The following EML6 variants were observed in gnomAD, a reference collection of about 807,000 sequenced individuals.
EML6 encodes the protein echinoderm microtubule-associated protein-like 6.
EML6 carries 154 observed loss-of-function variants against 240.1 expected under a neutral mutation model. The observed-to-expected ratio is 0.64, with a 90% CI of 0.56 to 0.73. The LOEUF is 0.73. EML6 is among the 30% of genes least tolerant of loss of function. EML6 has a pLI of 0.00. For missense variants in EML6, 2,964 were observed against 2,474.6 expected (o/e 1.20, Z -4.20); for synonymous variants, 1,148 against 899.0 (o/e 1.28, Z -4.95).
Position 54,727,793 on chromosome 2 carries a change from T to G in EML6, c.197+2535T>G, listed in dbSNP as rs531006848. ...AAAGATATATTCATATGCATACATC[T>G]ATACTGCTTTATTTTTTGTGCTGTT... On this transcript the variant is annotated intron_variant, in intron 2 of 41. Transcript: ENST00000356458. Among the ~76,000 whole-genome samples the G allele has an allele frequency of 2.0e-5, 3 of 152,334 alleles. No homozygotes were observed. The South Asian group carries it at 6.2e-4, about 32-fold the overall frequency.
At chr2:54,743,691 A>G (rs1683764862) in intron 2 of EML6, among the ~76,000 whole-genome samples, 1 of 152,070 alleles carries the variant, frequency 6.6e-6, no homozygotes, top group South Asian at 2.1e-4. Context: ...TTGATTGTAT[A>G]CCTCTCTTGG....
At chr2:54,837,753 T>G (rs1669230483) in intron 7 of EML6, among the ~76,000 whole-genome samples, 1 of 152,176 alleles carries the variant, frequency 6.6e-6, no homozygotes, top group Non-Finnish European at 1.5e-5. Flanking sequence ...TTCTCAGCCC[T>G]GGGGAGCTAA....
chr2:54,922,059 G>C (rs1164148520), intron 26 of EML6, among the ~76,000 whole-genome samples: 5 of 151,878 alleles, frequency 3.3e-5, no homozygotes, highest in African/African-American at 1.2e-4. Flanking sequence ...AAAAACAAAA[G>C]CAAGTGAGAC....
At chr2:54,752,798 C>T (rs1684233186) in intron 2 of EML6, among the ~76,000 whole-genome samples, 1 of 151,514 alleles carries the variant, frequency 6.6e-6, no homozygotes, top group South Asian at 2.1e-4. Context: ...CTTTTTAAAC[C>T]TTTTTTTTGA....
intron 16 of EML6, among the ~76,000 whole-genome samples, chr2:54,874,064 G>A (rs1671387230): frequency 6.6e-6 from 1 of 152,178 alleles, no homozygotes; most frequent in Admixed American, 6.5e-5. Context: ...TTCCTCTATA[G>A]AGTTGATTAA....
chr2:54,767,259 CTATT>C (rs1668220478), intron 2 of EML6, among the ~76,000 whole-genome samples: 1 of 151,980 alleles, frequency 6.6e-6, no homozygotes, highest in East Asian at 1.9e-4. Context: ...TTGACAAGCC[CTATT>C]CAATGAAGAA....
In EML6 at chr2:54,957,847, GCC is replaced by G. The variant is rs1558725810; in HGVS notation, c.4547_4548del (p.Pro1516ArgfsTer50). 1 of 1,550,786 alleles carries G rather than the reference GCC, an allele frequency of 6.4e-7. No homozygotes were observed. Among genetic ancestry groups the G allele is most frequent in the Non-Finnish European group, 8.7e-7 (1 of 1,146,992 alleles). ...GAGCGCATATTTGTGGTGGAATTTC[GCC>G]CCGACTCAGACACGCAGTTTGTATC... is the stretch of plus-strand genomic sequence containing the variant. On this transcript the variant is annotated frameshift_variant, in exon 33 of 42. Coordinates refer to ENST00000356458, the MANE Select transcript of EML6 (RefSeq NM_001039753.4). LOFTEE classifies it high-confidence loss of function.
rs541768734 is a variant in EML6, at chr2:54,816,319, T to A, written c.358-468T>A. ...TTATCTTGTAGTCACCTTAAATGTT[T>A]GTGAAATTATAGAAAACTAAAAATT... is the stretch of plus-strand genomic sequence containing the variant. On this transcript the variant is annotated intron_variant, in intron 3 of 41. Coordinates refer to ENST00000356458, the MANE Select transcript of EML6 (RefSeq NM_001039753.4). Among the ~76,000 whole-genome samples the A allele has an allele frequency of 5.5e-3, 842 of 152,352 alleles. 8 individuals carry two copies. Among genetic ancestry groups the A allele is most frequent in the African/African-American group, 0.019 (786 of 41,580 alleles).
chr2:54,737,743 C>T lies in EML6; in HGVS notation c.197+12485C>T, dbSNP rs116693747. Among the ~76,000 whole-genome samples, 640 of 152,296 alleles carry T rather than the reference C, an allele frequency of 4.2e-3. 5 individuals are homozygous for T. The highest frequency in any genetic ancestry group is 0.013 in the African/African-American group (527 of 41,564). ...GCAGTCTTTGCTGTATAAGGTTGTG[C>T]GGTTGAACAGGTCGTGTCAATTCTC... On this transcript the variant is annotated intron_variant, in intron 2 of 41. Transcript: ENST00000356458.
intron 16 of EML6, among the ~76,000 whole-genome samples, chr2:54,879,217 G>T (rs534949534): frequency 6.6e-6 from 1 of 152,206 alleles, no homozygotes; most frequent in Non-Finnish European, 1.5e-5. Context: ...CTCTAGCTCT[G>T]TGTCTCAGAA....
chr2:54,962,489 T>G (rs2104537482), intron 35 of EML6, 34 bp from the exon 36 acceptor site: 2 of 1,486,076 alleles, frequency 1.3e-6, no homozygotes, highest in Admixed American at 2.1e-5. Context: ...ATACAGTATT[T>G]GTCCTTTTTC....
chr2:54,826,689 C>T (rs1159181507), intron 5 of EML6, among the ~76,000 whole-genome samples: 1 of 152,086 alleles, frequency 6.6e-6, no homozygotes, highest in Non-Finnish European at 1.5e-5. Flanking sequence ...TATAAAATTG[C>T]TGAAGCTTTG....
chr2:54,928,049 C>T (rs1674650021), intron 26 of EML6, among the ~76,000 whole-genome samples: 2 of 152,162 alleles, frequency 1.3e-5, no homozygotes, highest in Admixed American at 1.3e-4. Context: ...TTTTATATGT[C>T]TATAGATTCC....
At chr2:54,776,311 G>T (rs1668597811) in intron 2 of EML6, among the ~76,000 whole-genome samples, 4 of 152,058 alleles carry the variant, frequency 2.6e-5, no homozygotes, top group Admixed American at 6.6e-5. Context: ...TGTTAATCTA[G>T]GTTTTACAGA....
chr2:54,893,237 C>G (rs1184037828), intron 19 of EML6, among the ~76,000 whole-genome samples: 25 of 152,150 alleles, frequency 1.6e-4, no homozygotes. Flanking sequence ...CTTACCTTCT[C>G]TCAGTCTGTT....
rs1224014743 is a variant in EML6, at chr2:54,892,571, A to C, written c.2657A>C (p.Asp886Ala). Residue 886 changes from aspartate to alanine, a missense_variant, in exon 19 of 42, where the codon GAT (aspartate) becomes GCT (alanine). By Grantham distance (126) the Asp-to-Ala change is moderately radical. Coordinates refer to ENST00000356458, the MANE Select transcript of EML6 (RefSeq NM_001039753.4). The stretch of plus-strand genomic sequence containing the variant: ...GTGTTCTCAGGAGCAGCTACTGGAG[A>C]TATTTTTATTTGGAAAGACATTCTA... ...DLVFSGAATG[D>A]IFIWKDILLL... 1 of 1,551,618 alleles carries C rather than the reference A, an allele frequency of 6.4e-7. No individual in the cohort carries two copies. Among genetic ancestry groups the C allele is most frequent in the South Asian group, 1.2e-5 (1 of 84,048 alleles).
In EML6 at chr2:54,950,761, G is replaced by A. The variant is rs1255637169; in HGVS notation, c.4195G>A (p.Val1399Ile). Residue 1399 changes from valine to isoleucine, a missense_variant, in exon 30 of 42, where the codon GTT becomes ATT. Coordinates refer to ENST00000356458, the MANE Select transcript of EML6 (RefSeq NM_001039753.4). ...IIFHTAAAGI[V>I]QNLSTGSQSF... is the part of the protein sequence containing the mutation. ...CTTCCACACAGCAGCGGCTGGCATC[G>A]TTCAGAACCTCTCCACAGGTAACCG... 12 of 1,551,300 alleles carry A rather than the reference G, an allele frequency of 7.7e-6. No homozygotes were observed. The highest frequency in any genetic ancestry group is 8.7e-6 in the Non-Finnish European group (10 of 1,146,928).
At chr2:54,924,554 T>TAAA (rs200993475) in intron 26 of EML6, among the ~76,000 whole-genome samples, 2 of 152,090 alleles carry the variant, frequency 1.3e-5, no homozygotes, top group Non-Finnish European at 2.9e-5. Flanking sequence ...TATTTTTTTT[T>TAAA]AAAAAAATTA....
At chr2:54,924,501 C>G (rs2104367930) in intron 26 of EML6, among the ~76,000 whole-genome samples, 1 of 152,216 alleles carries the variant, frequency 6.6e-6, no homozygotes, top group South Asian at 2.1e-4. Flanking sequence ...AGGTTCATGG[C>G]TTAAACTACT....
Sources: gnomAD v4.1 joint callset for allele counts (sites outside exome capture counted in the v4.1 genomes callset) on GRCh38, gnomAD v4.1.1 for gene constraint, MANE v1.5 for transcripts, NCBI Gene and HGNC (gene_info 2026-07-23, HGNC 2026-07-21) for gene names.